The following DPP10 variants were observed in gnomAD, a reference collection of about 807,000 sequenced individuals.
The protein encoded by DPP10 is inactive dipeptidyl peptidase 10.
DPP10 carries 33 observed loss-of-function variants against 120.9 expected under a neutral mutation model. The observed-to-expected ratio is 0.27, with a 90% CI of 0.21 to 0.37. DPP10 has a LOEUF of 0.37. Among genes scored for constraint, DPP10 ranks in the 10% least tolerant of loss-of-function variants. The probability of loss-of-function intolerance (pLI) is 1.00; values close to 1 mark genes in which losing one functional copy is unlikely to be tolerated. For missense variants in DPP10, 816 were observed against 942.8 expected, an observed-to-expected ratio of 0.87 and a Z score of 1.76; for synonymous variants, 337 against 326.1, an observed-to-expected ratio of 1.03 and a Z score of -0.36.
At chr2:114,806,651 CTT>C (rs1684740577) in intron 1 of DPP10, among the ~76,000 whole-genome samples, 1 of 152,156 alleles carries the variant, frequency 6.6e-6, no homozygotes, top group Non-Finnish European at 1.5e-5. Context: ...TATCACCAGA[CTT>C]TTAATTTTAC....
intron 1 of DPP10, among the ~76,000 whole-genome samples, chr2:114,724,235 T>C (rs1701896144): frequency 6.6e-6 from 1 of 152,192 alleles, no homozygotes; most frequent in African/African-American, 2.4e-5. Flanking sequence ...ACTTGCTCCA[T>C]AGGCTCTAGA....
At chr2:114,751,380 A>C (rs1466876027) in intron 1 of DPP10, among the ~76,000 whole-genome samples, 2 of 152,232 alleles carry the variant, frequency 1.3e-5, no homozygotes, top group Non-Finnish European at 2.9e-5. Flanking sequence ...CACCCCAGCC[A>C]CAGGTTTAAA....
At chr2:115,566,225 A>AT (rs1293509055) in intron 5 of DPP10, among the ~76,000 whole-genome samples, 2 of 152,066 alleles carry the variant, frequency 1.3e-5, no homozygotes, top group African/African-American at 2.4e-5. Flanking sequence ...GGATAGTGTG[A>AT]TTTTGTCATT....
At chr2:114,545,488 G>T (rs1687316603) in intron 1 of DPP10, among the ~76,000 whole-genome samples, 1 of 152,174 alleles carries the variant, frequency 6.6e-6, no homozygotes. Flanking sequence ...AGGAGAAAAA[G>T]TTGGATTCAT....
chr2:114,734,392 C>T (rs1473355950), intron 1 of DPP10, among the ~76,000 whole-genome samples: 1 of 152,184 alleles, frequency 6.6e-6, no homozygotes, highest in Non-Finnish European at 1.5e-5. Flanking sequence ...TCCTTTCTAT[C>T]AATCACAGGT....
chr2:114,474,358 C>T (rs901529522), intron 1 of DPP10, among the ~76,000 whole-genome samples: 1 of 152,200 alleles, frequency 6.6e-6, no homozygotes, highest in African/African-American at 2.4e-5. Context: ...GTTTGCTTTT[C>T]TTATTCATTA....
At chr2:115,047,966 G>GT (rs1705191544) in intron 1 of DPP10, among the ~76,000 whole-genome samples, 1 of 152,016 alleles carries the variant, frequency 6.6e-6, no homozygotes, top group Admixed American at 6.6e-5. Flanking sequence ...CCTGAAAATT[G>GT]TAATAGTTTC....
intron 12 of DPP10, among the ~76,000 whole-genome samples, chr2:115,764,662 T>C (rs1419121756): frequency 6.6e-6 from 1 of 152,146 alleles, no homozygotes; most frequent in East Asian, 1.9e-4. Flanking sequence ...AATCCCAAAT[T>C]TATGAATGTT....
intron 1 of DPP10, among the ~76,000 whole-genome samples, chr2:115,197,480 G>T (rs919841933): frequency 3.9e-5 from 6 of 152,034 alleles, no homozygotes; most frequent in Admixed American, 3.9e-4. Flanking sequence ...TTTAGGAGGA[G>T]TTACTAGGAG....
At chr2:115,266,287 T>C (rs1488542667) in intron 1 of DPP10, among the ~76,000 whole-genome samples, 2 of 152,194 alleles carry the variant, frequency 1.3e-5, no homozygotes, top group African/African-American at 2.4e-5. Context: ...GAGATTTTCT[T>C]TGAGTTTCTG....
rs1233978247 is a variant in DPP10 at position 115,707,460 on chromosome 2, ACACT to A, written c.576+17541_576+17544del. On this transcript the variant is annotated intron_variant, in intron 7 of 25. Coordinates refer to ENST00000410059, the MANE Select transcript of DPP10 (RefSeq NM_020868.6). ...CACACACACACACACACACACACAC[ACACT>A]CTCTCCACATTTTTTATTGGAATAC... is the stretch of plus-strand genomic sequence containing the variant. Among the ~76,000 whole-genome samples the A allele has an allele frequency of 7.1e-3, 993 of 140,608 alleles. 11 individuals carry two copies. The highest frequency in any genetic ancestry group is 0.023 in the African/African-American group (785 of 34,686). 92.2% of individuals were successfully genotyped at this position (140,608 alleles called of 152,430 possible).
intron 1 of DPP10, among the ~76,000 whole-genome samples, chr2:115,109,275 C>T (rs919634616): frequency 4.6e-5 from 7 of 152,082 alleles, no homozygotes; most frequent in Non-Finnish European, 8.8e-5. Flanking sequence ...TGGTGGCTCA[C>T]GCGTGTAATC....
At chr2:114,553,109 G>A (rs1345381277) in intron 1 of DPP10, among the ~76,000 whole-genome samples, 25 of 152,198 alleles carry the variant, frequency 1.6e-4, no homozygotes, top group Admixed American at 1.6e-3. Context: ...ATCACATCAA[G>A]CCATTTATTT....
At chr2:114,852,361 G>A (rs75849310) in intron 1 of DPP10, among the ~76,000 whole-genome samples, 2,615 of 151,078 alleles carry the variant, frequency 0.017, 66 homozygotes, top group African/African-American at 0.06. Context: ...TGTATCCGTG[G>A]GTTCAACCAA....
At chr2:114,539,549 T>G (rs1028168865) in intron 1 of DPP10, among the ~76,000 whole-genome samples, 1 of 152,200 alleles carries the variant, frequency 6.6e-6, no homozygotes, top group Non-Finnish European at 1.5e-5. Context: ...CTTTCTTTGC[T>G]CAGGTTCTTG....
chr2:115,568,637 T>G (rs964513619), intron 5 of DPP10, among the ~76,000 whole-genome samples: 2 of 151,986 alleles, frequency 1.3e-5, no homozygotes, highest in Non-Finnish European at 1.5e-5. Flanking sequence ...TATCGCGTAC[T>G]TGGTCGTTAT....
At chr2:115,536,356 A>G (rs1365465007) in intron 5 of DPP10, among the ~76,000 whole-genome samples, 6 of 151,988 alleles carry the variant, frequency 3.9e-5, no homozygotes, top group South Asian at 2.1e-4. Flanking sequence ...TAATGGCTTT[A>G]CCATCTTTTC....
chr2:114,734,803 T>A (rs569886221), intron 1 of DPP10, among the ~76,000 whole-genome samples: 1 of 152,298 alleles, frequency 6.6e-6, no homozygotes, highest in South Asian at 2.1e-4. Context: ...GTGGCATGGT[T>A]CAAGTATGAG....
intron 1 of DPP10, among the ~76,000 whole-genome samples, chr2:114,753,636 G>A (rs1465751452): frequency 6.6e-6 from 1 of 152,058 alleles, no homozygotes; most frequent in Non-Finnish European, 1.5e-5. Flanking sequence ...TGGGCTGGGC[G>A]CGGTGGCTCA....
Sources: gnomAD v4.1 joint callset for allele counts (sites outside exome capture counted in the v4.1 genomes callset) on GRCh38, gnomAD v4.1.1 for gene constraint, MANE v1.5 for transcripts, NCBI Gene and HGNC (gene_info 2026-07-23, HGNC 2026-07-21) for gene names.